Variants in PTGER3 observed in about 807,000 individuals in gnomAD.
PTGER3 encodes prostaglandin E2 receptor EP3 subtype.
Under a neutral mutation model 34.7 loss-of-function variants are expected in PTGER3, and 22 were observed. The observed-to-expected ratio is 0.63, with a 90% confidence interval of 0.45 to 0.91. The LOEUF is 0.91. Ranked by LOEUF, PTGER3 falls within the 40% of genes least tolerant of loss-of-function variation. The pLI is 0.00. For synonymous variants in PTGER3, 241 were observed against 230.1 expected (o/e 1.05, Z -0.43); for missense variants, 468 against 519.4 (o/e 0.90, Z 0.96).
intron 1 of PTGER3, among the ~76,000 whole-genome samples, chr1:71,035,492 T>C (rs2100969845): frequency 6.6e-6 from 1 of 152,320 alleles, no homozygotes; most frequent in East Asian, 1.9e-4. Context: ...ACTCCTCTTT[T>C]AAAGCAACAT....
intron 2 of PTGER3, among the ~76,000 whole-genome samples, chr1:70,984,421 T>G (rs1380351432): frequency 6.6e-6 from 1 of 150,456 alleles, no homozygotes; most frequent in Non-Finnish European, 1.5e-5. Flanking sequence ...ATTAACAAAA[T>G]TATTCTAACT....
intron 4 of PTGER3, among the ~76,000 whole-genome samples, chr1:70,883,710 T>G (rs113849639): frequency 1.6e-4 from 24 of 152,324 alleles, no homozygotes; most frequent in African/African-American, 5.5e-4. Flanking sequence ...TAAAAACATT[T>G]TAGAGTTGCG....
chr1:71,047,089 G>C lies in PTGER3; in HGVS notation c.489C>G (p.His163Gln). The C allele has an allele frequency of 6.2e-7, 1 of 1,609,496 alleles. No homozygotes were observed. The highest frequency in any genetic ancestry group is 8.5e-7 in the Non-Finnish European group (1 of 1,178,408). ...GCGTCTTCATGTGGCTCGCATACCA[G>C]TGCGGCGCCCTGATGGCCAGCGCCC... Reference protein sequence around the residue: ...VERALAIRAPHWYASHMKTRA... With the variant: ...VERALAIRAPQWYASHMKTRA... The change falls in exon 1 of 4, where the codon CAC becomes CAG. Residue 163 changes from histidine to glutamine, a missense_variant. Physicochemically the swap from His to Gln is conservative, Grantham distance 24. Transcript: ENST00000306666.
chr1:71,040,394 G>A (rs1239661327), intron 1 of PTGER3, among the ~76,000 whole-genome samples: 3 of 152,068 alleles, frequency 2.0e-5, no homozygotes, highest in Non-Finnish European at 2.9e-5. Flanking sequence ...AGGAGGACAG[G>A]AGTTTGAGAC....
At chr1:71,023,578 T>C (rs1281161544) in intron 1 of PTGER3, among the ~76,000 whole-genome samples, 1 of 151,924 alleles carries the variant, frequency 6.6e-6, no homozygotes. Flanking sequence ...ACGGCTTTGT[T>C]TGAATGTCTT....
chr1:70,899,878 C>T (rs758787573), intron 4 of PTGER3, among the ~76,000 whole-genome samples: 1 of 152,072 alleles, frequency 6.6e-6, no homozygotes, highest in African/African-American at 2.4e-5. Context: ...TGTAATTGTA[C>T]TATATCCTTC....
At chr1:70,923,248 G>T (rs1647727929) in intron 4 of PTGER3, among the ~76,000 whole-genome samples, 1 of 151,664 alleles carries the variant, frequency 6.6e-6, no homozygotes, top group African/African-American at 2.4e-5. Context: ...TGTGTTATTG[G>T]TATATGTTCC....
At chr1:70,976,259 T>G (rs1015301277) in intron 2 of PTGER3, among the ~76,000 whole-genome samples, 1 of 152,144 alleles carries the variant, frequency 6.6e-6, no homozygotes, top group Non-Finnish European at 1.5e-5. Context: ...GATTCCATAA[T>G]AGTGGACGCG....
chr1:70,983,130 T>C lies in PTGER3; in HGVS notation c.1078-8742A>G, dbSNP rs1654551390. Reference sequence around the variant, plus strand: ...CTAGAGAAACAGATCAGAGAGAGCCTGAAGGGAACTGTGGAAATGCAAAAC... The same window carrying C: ...CTAGAGAAACAGATCAGAGAGAGCCCGAAGGGAACTGTGGAAATGCAAAAC... On this transcript the variant is annotated intron_variant, in intron 2 of 3. Transcript: ENST00000306666. Among the ~76,000 whole-genome samples, 3 of 151,760 alleles carry C rather than the reference T, an allele frequency of 2.0e-5. No homozygotes were observed. In the South Asian group the frequency reaches 6.3e-4, roughly 32 times the overall value.
intron 2 of PTGER3, among the ~76,000 whole-genome samples, chr1:70,962,441 C>A (rs1038657227): frequency 6.6e-6 from 1 of 150,718 alleles, no homozygotes; most frequent in African/African-American, 2.5e-5. Flanking sequence ...TTAGTCTGTT[C>A]CCTCACTGCC....
downstream of PTGER3, among the ~76,000 whole-genome samples, chr1:70,948,619 C>T (rs183884635): frequency 4.6e-5 from 7 of 152,212 alleles, no homozygotes; most frequent in African/African-American, 1.4e-4. Context: ...TTGAGTCTCA[C>T]GTGCATAATA....
rs112026149 is a variant in PTGER3 at position 70,954,040 on chromosome 1, T to C, written c.1078-251A>G. Among the ~76,000 whole-genome samples, 701 of 152,250 alleles carry C rather than the reference T, an allele frequency of 4.6e-3. 12 individuals carry two copies. Among genetic ancestry groups the C allele is most frequent in the African/African-American group, 0.016 (659 of 41,536 alleles). On this transcript the variant is annotated intron_variant, in intron 2 of 3. Coordinates refer to the PTGER3 transcript ENST00000356595. ...AAGCATCTCCTAGTCATAGGCATGC[T>C]TTTCTGTCTCTTCTGTGTTCAACTC...
chr1:70,895,606 G>C (rs550333402), intron 4 of PTGER3, among the ~76,000 whole-genome samples: 2 of 152,228 alleles, frequency 1.3e-5, no homozygotes, highest in Non-Finnish European at 2.9e-5. Context: ...GCTTTAGAAT[G>C]CCTGGCTCAG....
At chr1:70,973,737 T>C (rs1009392886) in intron 3 of PTGER3, among the ~76,000 whole-genome samples, 1 of 152,204 alleles carries the variant, frequency 6.6e-6, no homozygotes, top group African/African-American at 2.4e-5. Context: ...AGACTTTCCA[T>C]TCAATTAGCC....
intron 1 of PTGER3, among the ~76,000 whole-genome samples, chr1:71,034,071 C>A (rs1659622438): frequency 6.6e-6 from 1 of 151,944 alleles, no homozygotes; most frequent in Non-Finnish European, 1.5e-5. Context: ...TATCTGGATT[C>A]TTTATCTGGC....
intron 4 of PTGER3, among the ~76,000 whole-genome samples, chr1:70,944,461 A>G (rs1350202353): frequency 6.6e-6 from 1 of 152,166 alleles, no homozygotes; most frequent in Non-Finnish European, 1.5e-5. Flanking sequence ...AGAAAAACCC[A>G]GATTCTTCAC....
At chr1:71,022,679 T>A (rs1230169358) in intron 1 of PTGER3, among the ~76,000 whole-genome samples, 1 of 151,600 alleles carries the variant, frequency 6.6e-6, no homozygotes, top group Non-Finnish European at 1.5e-5. Flanking sequence ...TAATTCATTC[T>A]CTAGTCAGTG....
chr1:70,936,423 T>A (rs1649237520), intron 4 of PTGER3, among the ~76,000 whole-genome samples: 1 of 152,166 alleles, frequency 6.6e-6, no homozygotes, highest in Non-Finnish European at 1.5e-5. Flanking sequence ...AGTTATTAAT[T>A]CATCATTTAA....
exon 4 of PTGER3, chr1:70,952,610 A>C: frequency 9.7e-7 from 1 of 1,033,846 alleles, no homozygotes; most frequent in Non-Finnish European, 1.2e-6. Context: ...CTGCATTACC[A>C]GCATGCATAT....
Sources: allele counts gnomAD v4.1 joint callset (sites outside exome capture counted in the v4.1 genomes callset), GRCh38; gene constraint gnomAD v4.1.1; transcripts MANE v1.5; gene names NCBI Gene and HGNC (gene_info 2026-07-23, HGNC 2026-07-21).